Variants in NEK11 observed in about 807,000 individuals in gnomAD.
NEK11 encodes the protein serine/threonine-protein kinase Nek11.
NEK11 carries 72 observed loss-of-function variants against 80.7 expected under a neutral mutation model. The ratio of observed to expected loss-of-function variants is 0.89; its 90% confidence interval spans 0.74 to 1.08. The LOEUF (loss-of-function observed/expected upper bound fraction) is 1.08, where lower values mean the gene tolerates loss of function less well. NEK11 is among the 50% of genes least tolerant of loss of function. The probability of loss-of-function intolerance (pLI) is 0.00; values close to 1 mark genes in which losing one functional copy is unlikely to be tolerated. For missense variants in NEK11, 764 were observed against 763.6 expected (o/e 1.00, Z -0.01); for synonymous variants, 251 against 260.7 (o/e 0.96, Z 0.36).
At chr3:131,254,745 C>A (rs1262572496) in intron 16 of NEK11, among the ~76,000 whole-genome samples, 2 of 152,132 alleles carry the variant, frequency 1.3e-5, no homozygotes, top group Non-Finnish European at 2.9e-5. Flanking sequence ...TTTGGCTGGG[C>A]ACAGTGGCTC....
chr3:131,032,431 C>A (rs978316157), intron 3 of NEK11, among the ~76,000 whole-genome samples: 1 of 152,272 alleles, frequency 6.6e-6, no homozygotes, highest in Non-Finnish European at 1.5e-5. Context: ...CTCCAGTTAG[C>A]CACATTCCTA....
At chr3:131,160,401 C>A (rs1001385122) in intron 10 of NEK11, among the ~76,000 whole-genome samples, 4 of 152,252 alleles carry the variant, frequency 2.6e-5, no homozygotes, top group South Asian at 4.1e-4. Flanking sequence ...TACTACCAGA[C>A]CTGCCTTATA....
At position 131,174,987 on chromosome 3, in the gene NEK11, A is replaced by G. The variant is rs2092923894; in HGVS notation, c.1399+4100A>G. On this transcript the variant is annotated intron_variant, in intron 14 of 17. Transcript: ENST00000383366. ...AGCAATCACTGAGCCCAATGCTCAGAGATAGCTCAGACCTGTAGGTGGTTG... is the reference window on the plus strand; with the variant it reads ...AGCAATCACTGAGCCCAATGCTCAGGGATAGCTCAGACCTGTAGGTGGTTG... The G allele has an allele frequency of 2.2e-6, 3 of 1,371,222 alleles. No homozygotes were observed. The South Asian group carries it at 5.4e-5, about 25-fold the overall frequency. 84.9% of individuals were successfully genotyped at this position (1,371,222 alleles called of 1,614,324 possible).
At chr3:131,330,633 GTCA>G (rs1388326686) in intron 17 of NEK11, 29 of 152,296 alleles carry the variant, frequency 1.9e-4, no homozygotes, top group Admixed American at 1.8e-3. Context: ...TGAAGAGTCT[GTCA>G]TCATTGTTAC....
intron 17 of NEK11, among the ~76,000 whole-genome samples, chr3:131,338,474 C>T (rs543818235): frequency 6.6e-6 from 1 of 151,950 alleles, no homozygotes; most frequent in Non-Finnish European, 1.5e-5. Context: ...CCATACAACC[C>T]AGAAATTCCA....
At chr3:131,231,008 T>C (rs1476538551) in intron 15 of NEK11, among the ~76,000 whole-genome samples, 1 of 152,090 alleles carries the variant, frequency 6.6e-6, no homozygotes, top group Non-Finnish European at 1.5e-5. Context: ...GCTTTCACCT[T>C]CCACCATGAC....
intron 5 of NEK11, among the ~76,000 whole-genome samples, chr3:131,121,797 A>G (rs2082427627): frequency 6.6e-6 from 1 of 152,210 alleles, no homozygotes; most frequent in African/African-American, 2.4e-5. Flanking sequence ...TGCATGGGAT[A>G]TAATCTCCTG....
intron 3 of NEK11, among the ~76,000 whole-genome samples, chr3:131,030,629 G>A (rs1320628508): frequency 1.3e-5 from 2 of 152,184 alleles, no homozygotes; most frequent in Admixed American, 1.3e-4. Flanking sequence ...CCATGGCGAG[G>A]ATTTTCAAAT....
intron 7 of NEK11, among the ~76,000 whole-genome samples, chr3:131,149,485 C>T (rs967752251): frequency 1.3e-5 from 2 of 151,976 alleles, no homozygotes; most frequent in African/African-American, 4.8e-5. Context: ...GGTATATATA[C>T]CCAGTAATGG....
chr3:131,027,406 G>A (rs1191080882), intron 1 of NEK11: 1 of 151,774 alleles, frequency 6.6e-6, no homozygotes, highest in Admixed American at 6.6e-5. Context: ...CTGTTTCACC[G>A]AGAACGGGTA....
intron 17 of NEK11, among the ~76,000 whole-genome samples, chr3:131,343,139 C>T (rs1212836668): frequency 6.6e-6 from 1 of 151,892 alleles, no homozygotes; most frequent in African/African-American, 2.4e-5. Flanking sequence ...GGGGATGAGC[C>T]TTGGGGGATG....
chr3:131,216,003 G>C (rs1360312634), intron 14 of NEK11, among the ~76,000 whole-genome samples: 1 of 152,198 alleles, frequency 6.6e-6, no homozygotes, highest in Non-Finnish European at 1.5e-5. Flanking sequence ...AAAGTAGCTA[G>C]TGCAACTGAA....
chr3:131,256,238 A>G (rs2095814147), intron 16 of NEK11, among the ~76,000 whole-genome samples: 1 of 152,178 alleles, frequency 6.6e-6, no homozygotes, highest in Admixed American at 6.5e-5. Flanking sequence ...GAAATGATGA[A>G]TGTATAAGGT....
At chr3:131,210,408 T>C (rs1268161315) in intron 14 of NEK11, among the ~76,000 whole-genome samples, 2 of 152,206 alleles carry the variant, frequency 1.3e-5, no homozygotes, top group Admixed American at 6.5e-5. Flanking sequence ...TGGTCAATTT[T>C]GGAGTAAGTG....
At chr3:131,216,438 C>T (rs2094837484) in intron 14 of NEK11, among the ~76,000 whole-genome samples, 1 of 152,206 alleles carries the variant, frequency 6.6e-6, no homozygotes, top group Non-Finnish European at 1.5e-5. Flanking sequence ...ATGGTGAGTG[C>T]ATTAGGCAAG....
intron 4 of NEK11, among the ~76,000 whole-genome samples, chr3:131,090,258 G>T (rs1362223738): frequency 6.6e-6 from 1 of 152,190 alleles, no homozygotes; most frequent in Non-Finnish European, 1.5e-5. Flanking sequence ...GGCTAACTGG[G>T]ATGGTGAAAG....
intron 4 of NEK11, among the ~76,000 whole-genome samples, chr3:131,091,798 A>C (rs998953687): frequency 1.2e-4 from 19 of 152,216 alleles, no homozygotes; most frequent in South Asian, 2.1e-4. Flanking sequence ...AGCACACACA[A>C]AAAAAATTTC....
chr3:131,176,899 A>G (rs1257854149), intron 14 of NEK11, among the ~76,000 whole-genome samples: 3 of 152,206 alleles, frequency 2.0e-5, no homozygotes, highest in Admixed American at 6.5e-5. Context: ...GGTCATGCTA[A>G]TAAGGCAGAG....
intron 16 of NEK11, among the ~76,000 whole-genome samples, chr3:131,246,387 A>G (rs1361329675): frequency 6.6e-6 from 1 of 152,158 alleles, no homozygotes; most frequent in Non-Finnish European, 1.5e-5. Context: ...TTCACTTACA[A>G]TAACAGTCTC....
Sources: gnomAD v4.1 joint callset for allele counts (sites outside exome capture counted in the v4.1 genomes callset) on GRCh38, gnomAD v4.1.1 for gene constraint, MANE v1.5 for transcripts, NCBI Gene and HGNC (gene_info 2026-07-23, HGNC 2026-07-21) for gene names.